Variants in TARS1 observed in about 807,000 individuals in gnomAD.
TARS1 encodes the protein threonine--tRNA ligase 1, cytoplasmic.
In TARS1, 57 loss-of-function variants were observed where a neutral mutation model predicts 97.7. That is an observed-to-expected ratio of 0.58 (90% CI 0.47 to 0.73). The LOEUF (loss-of-function observed/expected upper bound fraction) is 0.73. Ranked by LOEUF, TARS1 falls within the 30% of genes least tolerant of loss-of-function variation. TARS1 has a pLI of 0.00. For missense variants in TARS1, 806 were observed against 888.3 expected (o/e 0.91, Z 1.18); for synonymous variants, 312 against 293.7 (o/e 1.06, Z -0.64).
rs1741538230 is a variant in TARS1, at chr5:33,448,560, A to G, written c.158A>G (p.Tyr53Cys). 1 of 1,596,360 alleles carries G rather than the reference A, an allele frequency of 6.3e-7. No homozygotes were observed. Among genetic ancestry groups the G allele is most frequent in the Non-Finnish European group, 8.5e-7 (1 of 1,170,986 alleles). Residue 53 changes from tyrosine to cysteine, a missense_variant, in exon 3 of 19, where the codon TAT (tyrosine) becomes TGT (cysteine). By Grantham distance (194) the Tyr-to-Cys change is radical. Transcript: ENST00000265112. ...GRAELNPWPE[Y>C]IYTRLEMYNI... ...TTGCAGTTGAATCCTTGGCCTGAAT[A>G]TATTTACACACGTCTTGAGATGTAT...
At chr5:33,441,164 C>T in intron 1 of TARS1, 21 bp downstream of exon 1, 1 of 1,614,066 alleles carries the variant, frequency 6.2e-7, no homozygotes, top group Non-Finnish European at 8.5e-7. Context: ...TTGGTGGGAC[C>T]CAGAGACCAG....
chr5:33,459,871 A>C lies in TARS1; in HGVS notation c.1250+10A>C, dbSNP rs201580512. The C allele has an allele frequency of 9.4e-6, 15 of 1,599,482 alleles. No individual in the cohort carries two copies. The highest frequency in any genetic ancestry group is 1.3e-5 in the Non-Finnish European group (15 of 1,169,732). On this transcript the variant is annotated intron_variant, in intron 11 of 18. Coordinates refer to ENST00000265112, the MANE Select transcript of TARS1 (RefSeq NM_152295.5). ...ACTGCCCAGGACACTGGTATTCGGC[A>C]GCTTTGAATTTCTACTGAAGATTTT...
intron 5 of TARS1, among the ~76,000 whole-genome samples, 172 bp downstream of exon 5, chr5:33,455,238 G>T (rs547266640): frequency 6.6e-6 from 1 of 152,062 alleles, no homozygotes; most frequent in Non-Finnish European, 1.5e-5. Flanking sequence ...TAGAGGATTT[G>T]ATGAGACCTC....
intron 9 of TARS1, 24 bp downstream of exon 9, chr5:33,457,427 TCTTGA>T (rs761558284): frequency 6.3e-7 from 1 of 1,596,428 alleles, no homozygotes; most frequent in Non-Finnish European, 8.5e-7. Context: ...CAATGATGTG[TCTTGA>T]CTGAGTTTTC....
intron 12 of TARS1, 24 bp from the exon 13 acceptor site, chr5:33,461,134 C>G: frequency 6.2e-7 from 1 of 1,602,064 alleles, no homozygotes. Context: ...ACTACTGTTT[C>G]TTTTTTTGTT....
intron 10 of TARS1, among the ~76,000 whole-genome samples, chr5:33,459,403 T>G (rs1241657112): frequency 6.6e-6 from 1 of 152,250 alleles, no homozygotes; most frequent in Non-Finnish European, 1.5e-5. Flanking sequence ...ACTTGCTACA[T>G]ATTATTTTGT....
chr5:33,447,114 T>G (rs955069576), intron 2 of TARS1, among the ~76,000 whole-genome samples: 4 of 152,062 alleles, frequency 2.6e-5, no homozygotes, highest in Non-Finnish European at 2.9e-5. Flanking sequence ...GTCACTGCGC[T>G]CCAGCCAGCC....
In TARS1 at chr5:33,456,192, C is replaced by A; in HGVS notation, c.802C>A (p.His268Asn). The change falls in exon 8 of 19, where the codon CAC (histidine) becomes AAC (asparagine). Residue 268 changes from histidine to asparagine, a missense_variant. His to Asn is a moderately conservative substitution (Grantham distance 68). Coordinates refer to ENST00000265112, the MANE Select transcript of TARS1 (RefSeq NM_152295.5). ...TCTCTGCCGGGGTCCTCATGTTAGA[C>A]ACACGGGCAAAATTAAGGCTTTAAA... The part of the protein sequence containing the change: ...IDLCRGPHVR[H>N]TGKIKALKIH... The A allele has an allele frequency of 6.2e-7, 1 of 1,613,940 alleles. No individual in the cohort carries two copies. The highest frequency in any genetic ancestry group is 8.5e-7 in the Non-Finnish European group (1 of 1,179,926).
At chr5:33,447,495 C>T (rs1741478426) in intron 2 of TARS1, among the ~76,000 whole-genome samples, 1 of 152,286 alleles carries the variant, frequency 6.6e-6, no homozygotes, top group East Asian at 1.9e-4. Flanking sequence ...GATCCATCTG[C>T]CTTGGCCTCC....
Position 33,453,413 on chromosome 5 carries a change from G to A in TARS1, c.453+1G>A. 6.2e-7 allele frequency: 1 copy of A among 1,613,102 alleles called. No individual in the cohort carries two copies. Among genetic ancestry groups the A allele is most frequent in the East Asian group, 2.2e-5 (1 of 44,868 alleles). On this transcript the variant is annotated splice_donor_variant, in intron 4 of 18. Transcript: ENST00000265112. LOFTEE classifies it high-confidence loss of function. ...GTTTGAGGATGAGGAAGCTCAGGCA[G>A]TAAGTTGCTGATTAGTATTCATTGA... is the stretch of plus-strand genomic sequence containing the variant.
chr5:33,456,266 C>A (rs374336020), intron 8 of TARS1, 39 bp downstream of exon 8: 3 of 1,437,188 alleles, frequency 2.1e-6, no homozygotes, highest in African/African-American at 1.4e-5. Flanking sequence ...ATGTATCTGT[C>A]TAGAATAGAT....
chr5:33,443,377 T>G (rs1475033078), intron 1 of TARS1, among the ~76,000 whole-genome samples: 1 of 145,764 alleles, frequency 6.9e-6, no homozygotes, highest in African/African-American at 2.6e-5. Flanking sequence ...CCCTGTTCAT[T>G]TGGCAAATGG....
chr5:33,441,381 A>G (rs976668406), intron 1 of TARS1: 15 of 543,332 alleles, frequency 2.8e-5, no homozygotes, highest in African/African-American at 2.7e-4. Context: ...AGATGAGGAA[A>G]CAGACCTTGA....
chr5:33,453,774 C>G (rs1256080325), intron 4 of TARS1, among the ~76,000 whole-genome samples: 1 of 150,998 alleles, frequency 6.6e-6, no homozygotes, highest in Non-Finnish European at 1.5e-5. Context: ...GACTGTAGTG[C>G]AGTGGTGCGC....
chr5:33,458,144 A>G (rs149453297), intron 9 of TARS1, among the ~76,000 whole-genome samples: 141 of 152,310 alleles, frequency 9.3e-4, no homozygotes, highest in Non-Finnish European at 1.5e-3. Flanking sequence ...CTATTTCATT[A>G]TCAGTGTCTT....
At chr5:33,456,722 G>A (rs931667803) in intron 8 of TARS1, among the ~76,000 whole-genome samples, 1 of 152,148 alleles carries the variant, frequency 6.6e-6, no homozygotes, top group African/African-American at 2.4e-5. Flanking sequence ...GCCTTTGCAG[G>A]CAAAGTAATG....
intron 3 of TARS1, among the ~76,000 whole-genome samples, chr5:33,451,566 G>A (rs1741735815): frequency 6.6e-6 from 1 of 152,028 alleles, no homozygotes; most frequent in East Asian, 1.9e-4. Flanking sequence ...GTAGAGACGG[G>A]GTTTCACTGT....
intron 17 of TARS1, among the ~76,000 whole-genome samples, chr5:33,464,571 C>A (rs1366519428): frequency 6.6e-6 from 1 of 152,234 alleles, no homozygotes; most frequent in East Asian, 1.9e-4. Context: ...TCAAAACCAT[C>A]ATGTCTTCAG....
rs749963748 is a variant in TARS1, at chr5:33,445,338, AGAG to A, written c.73_75del (p.Glu25del). ...TGCTTATTTAGATTGGTGCTGGTGAAGAGAAGCAAAAGGAAGGAGGCAAAAAGA... is the reference window on the plus strand; with the variant it reads ...TGCTTATTTAGATTGGTGCTGGTGAAAAGCAAAAGGAAGGAGGCAAAAAGA... On this transcript the variant is annotated inframe_deletion, in exon 2 of 19. Transcript: ENST00000265112. 108 of 1,612,366 alleles carry A rather than the reference AGAG, an allele frequency of 6.7e-5. No individual in the cohort carries two copies. The highest frequency in any genetic ancestry group is 8.7e-5 in the Non-Finnish European group (102 of 1,178,968).
Sources: allele counts gnomAD v4.1 joint callset (sites outside exome capture counted in the v4.1 genomes callset), GRCh38; gene constraint gnomAD v4.1.1; transcripts MANE v1.5; gene names NCBI Gene and HGNC (gene_info 2026-07-23, HGNC 2026-07-21).